The following TDRD3 variants were observed in gnomAD, a reference collection of about 807,000 sequenced individuals.
TDRD3 encodes the protein tudor domain containing 3, also known as tudor domain-containing protein 3.
TDRD3 carries 45 observed loss-of-function variants against 86.7 expected under a neutral mutation model. The observed-to-expected ratio is 0.52, with a 90% CI of 0.41 to 0.67. TDRD3 has a LOEUF of 0.67. TDRD3 is among the 30% of genes least tolerant of loss of function. The pLI is 0.00. For missense variants in TDRD3, 814 were observed against 889.0 expected, an observed-to-expected ratio of 0.92 and a Z score of 1.07; for synonymous variants, 298 against 301.7, an observed-to-expected ratio of 0.99 and a Z score of 0.13.
At chr13:60,539,084 C>G (rs139993292) in intron 12 of TDRD3, among the ~76,000 whole-genome samples, 37 of 152,216 alleles carry the variant, frequency 2.4e-4, no homozygotes, top group Non-Finnish European at 5.3e-4. Context: ...ACATACAATA[C>G]ACATCATCTT....
intron 2 of TDRD3, among the ~76,000 whole-genome samples, chr13:60,442,268 T>C (rs1480156916): frequency 6.6e-6 from 1 of 152,130 alleles, no homozygotes; most frequent in African/African-American, 2.4e-5. Flanking sequence ...TAGTAAAAAT[T>C]TAAAAACAAA....
intron 3 of TDRD3, among the ~76,000 whole-genome samples, chr13:60,458,927 T>A (rs1432473593): frequency 6.6e-6 from 1 of 152,226 alleles, no homozygotes; most frequent in Non-Finnish European, 1.5e-5. Context: ...TGTCCTTATT[T>A]TAATGGCATT....
chr13:60,427,291 T>C (rs954410559), intron 1 of TDRD3, among the ~76,000 whole-genome samples: 3 of 152,216 alleles, frequency 2.0e-5, no homozygotes, highest in Admixed American at 2.0e-4. Context: ...TTTCGTTCTT[T>C]GTATGTTGGG....
chr13:60,413,816 A>G (rs1954426382), intron 1 of TDRD3, among the ~76,000 whole-genome samples: 1 of 152,126 alleles, frequency 6.6e-6, no homozygotes, highest in Non-Finnish European at 1.5e-5. Context: ...TCTCAAATAT[A>G]TATATCATAC....
chr13:60,446,302 A>G (rs1370325954), intron 3 of TDRD3, among the ~76,000 whole-genome samples: 1 of 152,116 alleles, frequency 6.6e-6, no homozygotes, highest in African/African-American at 2.4e-5. Flanking sequence ...AGCTCACTGC[A>G]ACCTCCACCA....
intron 13 of TDRD3, among the ~76,000 whole-genome samples, chr13:60,569,073 G>A (rs1010939182): frequency 6.6e-5 from 10 of 152,042 alleles, no homozygotes; most frequent in South Asian, 6.2e-4. Context: ...GGCTCAAGAC[G>A]TCCTGCCATC....
chr13:60,496,288 C>CAT (rs56211733), intron 8 of TDRD3, among the ~76,000 whole-genome samples: 153 of 61,160 alleles, frequency 2.5e-3, no homozygotes, highest in Non-Finnish European at 3.1e-3. Flanking sequence ...AACAAACTCC[C>CAT]ATATATATAT....
intron 10 of TDRD3, among the ~76,000 whole-genome samples, chr13:60,522,065 G>A (rs1015681804): frequency 1.3e-5 from 2 of 151,734 alleles, no homozygotes; most frequent in Admixed American, 6.6e-5. Flanking sequence ...ATATTTCTTA[G>A]CATTTTTAAT....
intron 13 of TDRD3, among the ~76,000 whole-genome samples, chr13:60,570,285 G>T (rs1198444698): frequency 1.3e-5 from 2 of 152,094 alleles, no homozygotes; most frequent in Non-Finnish European, 2.9e-5. Context: ...AAGACATACA[G>T]ATGCCCAACA....
At chr13:60,450,354 T>C (rs767028145) in intron 3 of TDRD3, among the ~76,000 whole-genome samples, 2 of 152,168 alleles carry the variant, frequency 1.3e-5, no homozygotes, top group Non-Finnish European at 2.9e-5. Flanking sequence ...TTTTAGTATG[T>C]AACAAATATT....
intron 8 of TDRD3, among the ~76,000 whole-genome samples, chr13:60,499,029 C>T (rs1470751202): frequency 6.6e-6 from 1 of 152,234 alleles, no homozygotes; most frequent in Non-Finnish European, 1.5e-5. Context: ...AGAACCCTCA[C>T]ACTGGCTCCC....
At chr13:60,425,699 T>C (rs1259817612) in intron 1 of TDRD3, among the ~76,000 whole-genome samples, 1 of 152,098 alleles carries the variant, frequency 6.6e-6, no homozygotes. Context: ...AGTTCACTTA[T>C]ACGTGGATTT....
chr13:60,425,492 G>A (rs891385155), intron 1 of TDRD3, among the ~76,000 whole-genome samples: 1 of 152,106 alleles, frequency 6.6e-6, no homozygotes, highest in Non-Finnish European at 1.5e-5. Flanking sequence ...GTATGACCTA[G>A]CAATCCCTAT....
chr13:60,420,491 T>C lies in TDRD3; in HGVS notation c.42-19197T>C, dbSNP rs111915224. Among the ~76,000 whole-genome samples the C allele has an allele frequency of 2.5e-4, 38 of 152,242 alleles. 1 individual carries two copies. Among genetic ancestry groups the C allele is most frequent in the African/African-American group, 8.9e-4 (37 of 41,552 alleles). On this transcript the variant is annotated intron_variant, in intron 1 of 13. Coordinates refer to ENST00000377881, the MANE Select transcript of TDRD3 (RefSeq NM_001146070.2). ...GCTTGCTTCCAGAAGCTGTATGATA[T>C]GGGTTTTATATTTAAGTATATGATC...
At chr13:60,458,300 G>A (rs1002881905) in intron 3 of TDRD3, among the ~76,000 whole-genome samples, 1 of 152,140 alleles carries the variant, frequency 6.6e-6, no homozygotes, top group African/African-American at 2.4e-5. Context: ...TGTCCACTTT[G>A]TGAGCAATAG....
intron 3 of TDRD3, among the ~76,000 whole-genome samples, chr13:60,459,395 T>C (rs1049506510): frequency 2.0e-5 from 3 of 152,242 alleles, no homozygotes; most frequent in African/African-American, 7.2e-5. Flanking sequence ...AACTTTGCTC[T>C]AAGTATATTT....
intron 12 of TDRD3, among the ~76,000 whole-genome samples, chr13:60,560,072 A>C (rs995726060): frequency 6.6e-5 from 10 of 152,172 alleles, no homozygotes; most frequent in African/African-American, 2.4e-4. Flanking sequence ...AATAACATTG[A>C]CTGTAGAAAA....
At chr13:60,560,529 A>G (rs1276463842) in intron 12 of TDRD3, among the ~76,000 whole-genome samples, 1 of 152,098 alleles carries the variant, frequency 6.6e-6, no homozygotes, top group Non-Finnish European at 1.5e-5. Flanking sequence ...AAAATAGCTT[A>G]TTTACATTAT....
intron 8 of TDRD3, chr13:60,509,479 T>G: frequency 3.5e-6 from 1 of 282,344 alleles, no homozygotes; most frequent in Non-Finnish European, 6.7e-6. Flanking sequence ...ACTGTCTATA[T>G]TATTTTCAAA....
Sources: allele counts gnomAD v4.1 joint callset (sites outside exome capture counted in the v4.1 genomes callset), GRCh38; gene constraint gnomAD v4.1.1; transcripts MANE v1.5; gene names NCBI Gene and HGNC (gene_info 2026-07-23, HGNC 2026-07-21).